Variants in UGT1A9 observed in about 807,000 individuals in gnomAD.
UGT1A9 encodes the protein UDP glucuronosyltransferase family 1 member A9, also known as UDP-glucuronosyltransferase 1A9.
A neutral mutation model predicts 45.0 loss-of-function variants in UGT1A9; 35 were observed. That is an observed-to-expected ratio of 0.78 (90% CI 0.59 to 1.03). The LOEUF is 1.03. UGT1A9 is among the 50% of genes least tolerant of loss of function. The pLI is 0.00. For missense variants in UGT1A9, 687 were observed against 666.6 expected (o/e 1.03, Z -0.34); for synonymous variants, 278 against 250.6 (o/e 1.11, Z -1.03).
At chr2:233,744,266 A>G (rs1300904192) in intron 1 of UGT1A9, among the ~76,000 whole-genome samples, 1 of 151,778 alleles carries the variant, frequency 6.6e-6, no homozygotes, top group Admixed American at 6.5e-5. Flanking sequence ...GTTTTTCTTA[A>G]AGTAGGCTTT....
intron 1 of UGT1A9, among the ~76,000 whole-genome samples, chr2:233,758,085 A>G (rs1336263007): frequency 6.6e-6 from 1 of 152,196 alleles, no homozygotes; most frequent in African/African-American, 2.4e-5. Flanking sequence ...AGTTCCTAGC[A>G]TAGTGACTGC....
intron 1 of UGT1A9, among the ~76,000 whole-genome samples, chr2:233,683,598 AT>A (rs1160549006): frequency 6.6e-6 from 1 of 152,130 alleles, no homozygotes; most frequent in African/African-American, 2.4e-5. Context: ...TGAATCCCTC[AT>A]TATTTATTCG....
At chr2:233,709,179 T>C (rs1190184795) in intron 1 of UGT1A9, among the ~76,000 whole-genome samples, 1 of 152,148 alleles carries the variant, frequency 6.6e-6, no homozygotes, top group African/African-American at 2.4e-5. Context: ...TGTTCTATCC[T>C]GAGCTGGGAG....
intron 1 of UGT1A9, among the ~76,000 whole-genome samples, chr2:233,703,320 AT>A (rs36043462): frequency 0.15 from 22,518 of 151,968 alleles, 1,958 homozygotes; most frequent in South Asian, 0.24. Context: ...ATTTTTAGCA[AT>A]TTTGAGTCTT....
intron 1 of UGT1A9, among the ~76,000 whole-genome samples, chr2:233,675,295 C>G (rs1028669928): frequency 1.3e-5 from 2 of 152,086 alleles, no homozygotes; most frequent in Non-Finnish European, 2.9e-5. Flanking sequence ...TACATTCCAG[C>G]GTTCTAATGT....
intron 1 of UGT1A9, among the ~76,000 whole-genome samples, chr2:233,766,036 G>T (rs1393520685): frequency 6.6e-6 from 1 of 152,138 alleles, no homozygotes; most frequent in Non-Finnish European, 1.5e-5. Context: ...GCCCTCTATA[G>T]TCAGCTTGTG....
chr2:233,718,961 C>T, intron 1 of UGT1A9: 1 of 1,614,218 alleles, frequency 6.2e-7, no homozygotes, highest in South Asian at 1.1e-5. Context: ...TGCGGGAGGC[C>T]TTGCGGGAGC....
At chr2:233,741,718 G>C (rs530950175) in intron 1 of UGT1A9, 1 of 151,992 alleles carries the variant, frequency 6.6e-6, no homozygotes, top group South Asian at 2.1e-4. Flanking sequence ...GGGTTCTAGA[G>C]CATATCCAAA....
chr2:233,686,676 G>T (rs2074799451), intron 1 of UGT1A9, among the ~76,000 whole-genome samples: 1 of 152,076 alleles, frequency 6.6e-6, no homozygotes, highest in Non-Finnish European at 1.5e-5. Flanking sequence ...GCCCACTCAG[G>T]ATATTCTGGT....
At chr2:233,747,911 C>A (rs1693810314) in intron 1 of UGT1A9, 1 of 1,613,394 alleles carries the variant, frequency 6.2e-7, no homozygotes, top group Non-Finnish European at 8.5e-7. Flanking sequence ...CTTATGCAAG[C>A]CTTGCCTCTG....
chr2:233,724,020 T>A (rs1486209215), intron 1 of UGT1A9, among the ~76,000 whole-genome samples: 1 of 67,562 alleles, frequency 1.5e-5, no homozygotes. Context: ...ATTGTCATCC[T>A]GGCCCGTTCT....
intron 1 of UGT1A9, among the ~76,000 whole-genome samples, chr2:233,684,159 C>G (rs1009384642): frequency 6.6e-6 from 1 of 152,158 alleles, no homozygotes; most frequent in African/African-American, 2.4e-5. Context: ...GTCACATTCT[C>G]TCTCATATTG....
At chr2:233,729,873 C>T (rs758100575) in intron 1 of UGT1A9, 1 of 1,613,864 alleles carries the variant, frequency 6.2e-7, no homozygotes, top group Non-Finnish European at 8.5e-7. Context: ...TGGATATTCT[C>T]AGTCATGCAT....
Position 233,718,901 on chromosome 2 carries a change from G to T in UGT1A9, c.855+46112G>T, listed in dbSNP as rs377204506. On this transcript the variant is annotated intron_variant, in intron 1 of 4. Coordinates refer to ENST00000354728, the MANE Select transcript of UGT1A9 (RefSeq NM_021027.3). Reference sequence around the variant, plus strand: ...TCCTCAGTGTCCAGCCCTGGGCTGAGAGTGGAAAGGTGTTGGTGGTGCCCA... The same window carrying T: ...TCCTCAGTGTCCAGCCCTGGGCTGATAGTGGAAAGGTGTTGGTGGTGCCCA... The T allele has an allele frequency of 2.5e-6, 4 of 1,613,936 alleles. No individual in the cohort carries two copies. The South Asian group carries it at 4.4e-5, about 18-fold the overall frequency.
chr2:233,722,032 C>A, intron 1 of UGT1A9: 1 of 244,322 alleles, frequency 4.1e-6, no homozygotes, highest in Non-Finnish European at 8.2e-6. Flanking sequence ...TCTTGAATTG[C>A]ATGATTTTGT....
chr2:233,762,111 A>T (rs899038640), intron 1 of UGT1A9, among the ~76,000 whole-genome samples: 1 of 152,200 alleles, frequency 6.6e-6, no homozygotes, highest in South Asian at 2.1e-4. Flanking sequence ...TGTCCGCTTC[A>T]CATCATGAGC....
Position 233,693,665 on chromosome 2 carries a change from C to A in UGT1A9, c.855+20876C>A, listed in dbSNP as rs199739194. The A allele has an allele frequency of 2.7e-5, 44 of 1,614,120 alleles. No individual in the cohort carries two copies. The highest frequency in any genetic ancestry group is 3.4e-5 in the Non-Finnish European group (40 of 1,180,056). On this transcript the variant is annotated intron_variant, in intron 1 of 4. Transcript: ENST00000354728. ...CCTTGTTAATTTGTTGGAGCCCTAT[C>A]TATTTTATTGTCTGTTTTCAAAGTA...
At chr2:233,747,538 C>T in intron 1 of UGT1A9, 1 of 1,604,368 alleles carries the variant, frequency 6.2e-7, no homozygotes, top group Non-Finnish European at 8.5e-7. Flanking sequence ...TTTCTGAAGA[C>T]ATTTTCTAAA....
intron 1 of UGT1A9, among the ~76,000 whole-genome samples, chr2:233,708,986 G>A (rs4663327): frequency 0.15 from 22,905 of 151,890 alleles, 2,054 homozygotes; most frequent in South Asian, 0.24. Flanking sequence ...TTCCTCGGCC[G>A]TGGCATCCTT....
Sources: allele counts gnomAD v4.1 joint callset (sites outside exome capture counted in the v4.1 genomes callset), GRCh38; gene constraint gnomAD v4.1.1; transcripts MANE v1.5; gene names NCBI Gene and HGNC (gene_info 2026-07-23, HGNC 2026-07-21).